The following SGCD variants were observed in gnomAD, a reference collection of about 807,000 sequenced individuals.
SGCD encodes the protein sarcoglycan delta.
Under a neutral mutation model 36.6 loss-of-function variants are expected in SGCD, and 18 were observed. The observed-to-expected ratio is 0.49, with a 90% CI of 0.34 to 0.73. The LOEUF (loss-of-function observed/expected upper bound fraction) is 0.73. SGCD is among the 30% of genes least tolerant of loss of function. SGCD has a pLI of 0.01. For synonymous variants in SGCD, 133 were observed against 130.6 expected, an observed-to-expected ratio of 1.02 and a Z score of -0.12; for missense variants, 387 against 346.7, an observed-to-expected ratio of 1.12 and a Z score of -0.92.
At chr5:155,783,537 AT>A in the SGCD span, among the ~76,000 whole-genome samples, 2,390 of 145,168 alleles carry the variant, frequency 0.016, 42 homozygotes, top group African/African-American at 0.048. Flanking sequence ...CTAAAAAGGA[AT>A]TTTTTTTTTT....
chr5:156,172,989 A>G (rs1432849003), intron 3 of SGCD, among the ~76,000 whole-genome samples: 1 of 152,136 alleles, frequency 6.6e-6, no homozygotes, highest in East Asian at 1.9e-4. Flanking sequence ...CAAATTTTAT[A>G]TACATTAATC....
At chr5:156,652,759 T>C (rs777353666) in intron 7 of SGCD, among the ~76,000 whole-genome samples, 1 of 152,056 alleles carries the variant, frequency 6.6e-6, no homozygotes, top group Non-Finnish European at 1.5e-5. Context: ...GTATGTTCTT[T>C]TGATGCCTAG....
chr5:156,325,349 T>C (rs1335782893), upstream of SGCD, among the ~76,000 whole-genome samples: 1 of 141,026 alleles, frequency 7.1e-6, no homozygotes, highest in Non-Finnish European at 1.6e-5. Flanking sequence ...AGAAAAGGTT[T>C]GCATTTTGCT....
chr5:156,612,155 C>T (rs1194082015), intron 6 of SGCD, among the ~76,000 whole-genome samples: 2 of 151,838 alleles, frequency 1.3e-5, no homozygotes, highest in African/African-American at 4.8e-5. Flanking sequence ...TTTCTTGTAC[C>T]CCTATGTTGA....
At chr5:156,591,391 A>G (rs1486803862) in intron 5 of SGCD, among the ~76,000 whole-genome samples, 2 of 152,214 alleles carry the variant, frequency 1.3e-5, no homozygotes, top group Non-Finnish European at 2.9e-5. Flanking sequence ...TTAGATCACG[A>G]ATGCCTATTT....
chr5:156,611,744 A>G (rs943177693), intron 6 of SGCD, among the ~76,000 whole-genome samples: 4 of 152,234 alleles, frequency 2.6e-5, no homozygotes, highest in African/African-American at 9.6e-5. Context: ...ATAGTGTCTC[A>G]TAAATCTTGT....
chr5:155,814,095 A>G, the SGCD span, among the ~76,000 whole-genome samples: 6 of 152,336 alleles, frequency 3.9e-5, no homozygotes, highest in East Asian at 1.2e-3. Flanking sequence ...GGATAAAATC[A>G]CAAATCCCTC....
chr5:155,773,441 A>G, the SGCD span, among the ~76,000 whole-genome samples: 6 of 152,090 alleles, frequency 3.9e-5, no homozygotes, highest in East Asian at 3.9e-4. Context: ...TGGCCTCCCA[A>G]TGTGCTGGGT....
rs189409204 is a variant in SGCD at position 156,673,337 on chromosome 5, C to G, written c.575+25801C>G. Reference sequence around the variant, plus strand: ...TACTGAAAGCAGTTTTAAAACTTCACATTCCTTTTTTGTTCATGGGCTGTG... The same window carrying G: ...TACTGAAAGCAGTTTTAAAACTTCAGATTCCTTTTTTGTTCATGGGCTGTG... On this transcript the variant is annotated intron_variant, in intron 7 of 8. Coordinates refer to ENST00000337851, the MANE Select transcript of SGCD (RefSeq NM_000337.6). 4.7e-4 allele frequency among the ~76,000 whole-genome samples: 71 copies of G among 152,284 alleles called. 1 individual carries two copies. The highest frequency in any genetic ancestry group is 5.9e-5 in the Non-Finnish European group (4 of 68,018).
intron 3 of SGCD, among the ~76,000 whole-genome samples, chr5:156,397,619 C>T (rs1252861253): frequency 6.6e-6 from 1 of 152,180 alleles, no homozygotes; most frequent in Non-Finnish European, 1.5e-5. Flanking sequence ...ATGCCAGACA[C>T]AGTGCTAACT....
intron 1 of SGCD, among the ~76,000 whole-genome samples, chr5:155,973,181 A>G (rs563123835): frequency 9.2e-5 from 14 of 152,340 alleles, no homozygotes; most frequent in African/African-American, 3.4e-4. Context: ...ATGGAAACTC[A>G]TCAGACTTGA....
intron 1 of SGCD, among the ~76,000 whole-genome samples, chr5:156,033,784 C>T (rs2116738): frequency 0.026 from 3,946 of 152,264 alleles, 90 homozygotes; most frequent in African/African-American, 0.055. Context: ...GCAGGGAATA[C>T]AGCAGTGACC....
chr5:156,306,592 C>T (rs535769610), intron 3 of SGCD, among the ~76,000 whole-genome samples: 5 of 152,320 alleles, frequency 3.3e-5, no homozygotes, highest in South Asian at 2.1e-4. Flanking sequence ...ACAGATTTTT[C>T]CTCCATGCCA....
intron 6 of SGCD, among the ~76,000 whole-genome samples, chr5:156,627,621 G>A (rs1182145915): frequency 1.3e-5 from 2 of 152,078 alleles, no homozygotes; most frequent in African/African-American, 4.8e-5. Flanking sequence ...GGTTGGTGGT[G>A]GATGATGCCC....
chr5:156,559,652 C>G (rs546256829), intron 4 of SGCD, among the ~76,000 whole-genome samples: 3 of 152,250 alleles, frequency 2.0e-5, no homozygotes, highest in Admixed American at 2.0e-4. Context: ...AGTAATGAAG[C>G]CTGACTCTCT....
chr5:156,647,360 T>C (rs1258154249), intron 6 of SGCD, 104 bp from the exon 7 acceptor site: 5 of 699,346 alleles, frequency 7.1e-6, no homozygotes, highest in Admixed American at 7.1e-5. Context: ...GGTATGGGGT[T>C]GTGTAATGGA....
intron 1 of SGCD, among the ~76,000 whole-genome samples, chr5:156,045,131 G>A (rs1759731460): frequency 6.6e-6 from 1 of 152,126 alleles, no homozygotes; most frequent in African/African-American, 2.4e-5. Context: ...TTTATCAGGA[G>A]CCTACTTTCT....
intron 7 of SGCD, among the ~76,000 whole-genome samples, chr5:156,735,410 T>A (rs967323529): frequency 6.6e-6 from 1 of 151,804 alleles, no homozygotes; most frequent in African/African-American, 2.4e-5. Context: ...CCAGGGAGTT[T>A]TCAAATCTCT....
At chr5:155,906,161 C>T (rs566627653) in intron 1 of SGCD, among the ~76,000 whole-genome samples, 7 of 152,090 alleles carry the variant, frequency 4.6e-5, no homozygotes, top group East Asian at 3.9e-4. Context: ...TAAGTGTTTT[C>T]GGGTACCATA....
Sources: allele counts gnomAD v4.1 joint callset (sites outside exome capture counted in the v4.1 genomes callset), GRCh38; gene constraint gnomAD v4.1.1; transcripts MANE v1.5; gene names NCBI Gene and HGNC (gene_info 2026-07-23, HGNC 2026-07-21).